ITFG1: variants seen among roughly 807,000 people sequenced by gnomAD.
The protein encoded by ITFG1 is T-cell immunomodulatory protein.
A neutral mutation model predicts 81.8 loss-of-function variants in ITFG1; 34 were observed. The observed-to-expected ratio is 0.42, with a 90% confidence interval of 0.32 to 0.55. The LOEUF (loss-of-function observed/expected upper bound fraction) is 0.55. ITFG1 is among the 20% of genes least tolerant of loss of function. The pLI, the probability that ITFG1 is intolerant of heterozygous loss-of-function variation, is 0.17. For synonymous variants in ITFG1, 285 were observed against 270.6 expected (o/e 1.05, Z -0.52); for missense variants, 672 against 755.4 (o/e 0.89, Z 1.29).
chr16:47,395,830 G>T (rs1968586172), intron 6 of ITFG1, among the ~76,000 whole-genome samples: 1 of 152,180 alleles, frequency 6.6e-6, no homozygotes, highest in Non-Finnish European at 1.5e-5. Flanking sequence ...ACACTTTCAT[G>T]CATTTATGCA....
intron 12 of ITFG1, among the ~76,000 whole-genome samples, chr16:47,253,008 C>A (rs1966096339): frequency 6.6e-6 from 1 of 152,112 alleles, no homozygotes; most frequent in African/African-American, 2.4e-5. Flanking sequence ...ATGTTAATAT[C>A]TTTAATGCAA....
chr16:47,423,927 A>ACT (rs1968985030), intron 6 of ITFG1, among the ~76,000 whole-genome samples: 1 of 151,984 alleles, frequency 6.6e-6, no homozygotes, highest in Non-Finnish European at 1.5e-5. Flanking sequence ...CTTCTCAAGG[A>ACT]GTATCTTTGT....
intron 5 of ITFG1, among the ~76,000 whole-genome samples, chr16:47,432,782 TTAA>T (rs1969110878): frequency 6.6e-6 from 1 of 152,222 alleles, no homozygotes; most frequent in South Asian, 2.1e-4. Context: ...TATATCCAAT[TTAA>T]TAATGACTGA....
intron 10 of ITFG1, among the ~76,000 whole-genome samples, chr16:47,293,107 A>T (rs983630600): frequency 6.8e-6 from 1 of 147,160 alleles, no homozygotes; most frequent in Non-Finnish European, 1.5e-5. Context: ...TATACATATG[A>T]TATATATCAT....
chr16:47,417,398 AG>A (rs1338135169), intron 6 of ITFG1, among the ~76,000 whole-genome samples: 2 of 152,220 alleles, frequency 1.3e-5, no homozygotes, highest in Non-Finnish European at 2.9e-5. Context: ...TCTGTGTGTC[AG>A]GAACACTTCA....
At chr16:47,165,586 T>C (rs1161819219) in intron 14 of ITFG1, among the ~76,000 whole-genome samples, 2 of 152,274 alleles carry the variant, frequency 1.3e-5, no homozygotes, top group East Asian at 3.8e-4. Flanking sequence ...CATTTATGCC[T>C]GTCATCCCAG....
intron 7 of ITFG1, among the ~76,000 whole-genome samples, chr16:47,370,780 C>T (rs975000814): frequency 2.6e-5 from 4 of 152,144 alleles, no homozygotes; most frequent in African/African-American, 4.8e-5. Flanking sequence ...CACAGCCTGC[C>T]GGGTCGAGAG....
chr16:47,203,894 A>G (rs1329046115), intron 14 of ITFG1, among the ~76,000 whole-genome samples: 1 of 152,164 alleles, frequency 6.6e-6, no homozygotes, highest in Non-Finnish European at 1.5e-5. Flanking sequence ...ATGGGGAGTT[A>G]GCGTTTAATG....
intron 5 of ITFG1, 36 bp downstream of exon 5, chr16:47,451,360 A>G: frequency 4.5e-6 from 5 of 1,112,948 alleles, no homozygotes; most frequent in Non-Finnish European, 6.7e-6. Flanking sequence ...AGCAATATAT[A>G]CGATTAATTA....
chr16:47,254,510 G>A (rs1412731705), intron 12 of ITFG1, among the ~76,000 whole-genome samples: 1 of 152,142 alleles, frequency 6.6e-6, no homozygotes, highest in South Asian at 2.1e-4. Context: ...AGAACTTGCA[G>A]ACTTGAGCAT....
intron 13 of ITFG1, among the ~76,000 whole-genome samples, chr16:47,230,390 T>C (rs553434832): frequency 2.0e-5 from 3 of 152,118 alleles, no homozygotes; most frequent in Non-Finnish European, 4.4e-5. Context: ...GGGTTAAGGA[T>C]ACTGAGGTGA....
At chr16:47,247,355 G>A (rs977927235) in intron 12 of ITFG1, among the ~76,000 whole-genome samples, 19 of 152,172 alleles carry the variant, frequency 1.2e-4, no homozygotes, top group South Asian at 2.1e-4. Flanking sequence ...AATATGGCTG[G>A]AAAACACAAC....
At chr16:47,314,635 C>T (rs2151565896) in intron 8 of ITFG1, among the ~76,000 whole-genome samples, 1 of 152,276 alleles carries the variant, frequency 6.6e-6, no homozygotes, top group South Asian at 2.1e-4. Context: ...TGCTCTCTCC[C>T]ATCTAATGTC....
intron 6 of ITFG1, among the ~76,000 whole-genome samples, chr16:47,383,355 G>C (rs944630265): frequency 6.6e-6 from 1 of 152,080 alleles, no homozygotes; most frequent in African/African-American, 2.4e-5. Flanking sequence ...TTGCCCTGAC[G>C]CGTTTTCTTA....
chr16:47,445,247 GAAAAAAAAA>G (rs907756228), intron 5 of ITFG1, among the ~76,000 whole-genome samples: 8 of 30,826 alleles, frequency 2.6e-4, no homozygotes, highest in East Asian at 2.0e-3. Context: ...CTCCGTCTCA[GAAAAAAAAA>G]AAAAAAAAAA....
chr16:47,170,102 A>AT (rs1481882053), intron 14 of ITFG1, among the ~76,000 whole-genome samples: 4 of 152,134 alleles, frequency 2.6e-5, no homozygotes, highest in African/African-American at 7.2e-5. Context: ...TTTGTTGAAG[A>AT]TTTTTGTATC....
chr16:47,298,169 T>C (rs1967013399), intron 10 of ITFG1, among the ~76,000 whole-genome samples: 1 of 152,208 alleles, frequency 6.6e-6, no homozygotes, highest in Non-Finnish European at 1.5e-5. Flanking sequence ...TTCTGGCTTT[T>C]TTAGAAATAA....
intron 6 of ITFG1, among the ~76,000 whole-genome samples, chr16:47,412,835 A>G (rs147072336): frequency 6.6e-6 from 1 of 152,330 alleles, no homozygotes; most frequent in East Asian, 1.9e-4. Context: ...ATGAATTTTG[A>G]AAAATGAACA....
chr16:47,404,995 G>A (rs886162438), intron 6 of ITFG1, among the ~76,000 whole-genome samples: 2 of 151,232 alleles, frequency 1.3e-5, no homozygotes, highest in African/African-American at 2.4e-5. Context: ...TGATTTATAG[G>A]AGTTCTCCAC....
Sources: gnomAD v4.1 joint callset for allele counts (sites outside exome capture counted in the v4.1 genomes callset) on GRCh38, gnomAD v4.1.1 for gene constraint, MANE v1.5 for transcripts, NCBI Gene and HGNC (gene_info 2026-07-23, HGNC 2026-07-21) for gene names.